TEDC1: variants seen among roughly 807,000 people sequenced by gnomAD.
The protein encoded by TEDC1 is tubulin epsilon and delta complex protein 1.
A neutral mutation model predicts 59.9 loss-of-function variants in TEDC1; 54 were observed. The observed-to-expected ratio is 0.90, with a 90% CI of 0.72 to 1.13. The LOEUF (loss-of-function observed/expected upper bound fraction) is 1.13, where lower values mean the gene tolerates loss of function less well. Among genes scored for constraint, TEDC1 ranks in the 50% most tolerant of loss-of-function variants. The pLI is 0.00. For synonymous variants in TEDC1, 353 were observed against 298.1 expected, an observed-to-expected ratio of 1.18 and a Z score of -1.90; for missense variants, 734 against 683.4, an observed-to-expected ratio of 1.07 and a Z score of -0.83.
At chr14:105,497,297 C>T (rs587621263) in intron 6 of TEDC1, 60 bp from the exon 7 acceptor site, 619 of 1,492,974 alleles carry the variant, frequency 4.1e-4, no homozygotes, top group Middle Eastern at 1.3e-3. Context: ...GCTGTCCATC[C>T]GACTGTCTGT....
At chr14:105,493,992 G>GGC (rs1254364278) in intron 5 of TEDC1, 59 bp downstream of exon 5, 2 of 319,490 alleles carry the variant, frequency 6.3e-6, no homozygotes, top group Non-Finnish European at 1.2e-5. Flanking sequence ...ACAGCAGGGG[G>GGC]ACTGCCCAGG....
intron 4 of TEDC1, 63 bp from the exon 5 acceptor site, chr14:105,493,772 G>T: frequency 1.7e-6 from 2 of 1,200,100 alleles, no homozygotes; most frequent in South Asian, 1.3e-5. Context: ...GACTCATGGA[G>T]ACTCAGCGTT....
chr14:105,492,633 C>A lies in TEDC1; in HGVS notation c.484C>A (p.Pro162Thr), dbSNP rs1366629961. ...PPAPHMEAEG[P>T]VDVRHVQWLM... Reference sequence around the variant, plus strand: ...TGCACCCCACATGGAAGCAGAGGGTCCTGTGGATGTCCGCCATGTGCAGTG... The same window carrying A: ...TGCACCCCACATGGAAGCAGAGGGTACTGTGGATGTCCGCCATGTGCAGTG... The change falls in exon 4 of 9, where the codon CCT becomes ACT. Residue 162 changes from proline (P) to threonine (T), a missense_variant. Physicochemically the swap from Pro to Thr is conservative, Grantham distance 38. Coordinates refer to ENST00000392523, the MANE Select transcript of TEDC1 (RefSeq NM_001367178.1). 6.5e-7 allele frequency: 1 copy of A among 1,543,524 alleles called. No individual in the cohort carries two copies. Among genetic ancestry groups the A allele is most frequent in the Non-Finnish European group, 8.7e-7 (1 of 1,146,910 alleles).
At chr14:105,498,306 G>A (rs2084393403) in intron 8 of TEDC1, among the ~76,000 whole-genome samples, 1 of 152,178 alleles carries the variant, frequency 6.6e-6, no homozygotes, top group Non-Finnish European at 1.5e-5. Flanking sequence ...ACCTGCCTGG[G>A]ACCCGTCTAA....
At chr14:105,496,219 G>C in intron 6 of TEDC1, 133 bp downstream of exon 6, 1 of 862,554 alleles carries the variant, frequency 1.2e-6, no homozygotes, top group Non-Finnish European at 1.7e-6. Flanking sequence ...CTTGGGAACT[G>C]TGGTGATTGC....
intron 5 of TEDC1, 60 bp downstream of exon 5, chr14:105,493,993 A>T: frequency 3.6e-6 from 1 of 275,082 alleles, no homozygotes. Context: ...CAGCAGGGGG[A>T]CTGCCCAGGG....
intron 6 of TEDC1, 122 bp from the exon 7 acceptor site, chr14:105,497,235 G>T (rs1354859318): frequency 1.1e-5 from 11 of 961,270 alleles, no homozygotes; most frequent in African/African-American, 1.6e-5. Context: ...GGGGAGGGCT[G>T]CAGGGGCGGG....
At position 105,492,592 on chromosome 14, in the gene TEDC1, C is replaced by T. The variant is rs782383449; in HGVS notation, c.443C>T (p.Ala148Val). The stretch of plus-strand genomic sequence containing the variant: ...GCCCCTCTCCAGTGTGAGGCCCTGG[C>T]CAGCCCTGGCCCACCTGCACCCCAC... ...EMTVCQCEAL[A>V]SPGPPAPHME... The change falls in exon 4 of 9, where the codon GCC (alanine) becomes GTC (valine). Residue 148 changes from alanine (A) to valine (V), a missense_variant. By Grantham distance (64) the Ala-to-Val change is moderately conservative. Transcript: ENST00000392523. 1.3e-6 allele frequency: 2 copies of T among 1,539,514 alleles called. No homozygotes were observed. Among genetic ancestry groups the T allele is most frequent in the South Asian group, 2.4e-5 (2 of 84,044 alleles).
Position 105,492,243 on chromosome 14 carries a change from A to G in TEDC1, c.363A>G (p.Gly121=). 6.2e-7 allele frequency: 1 copy of G among 1,610,996 alleles called. No individual in the cohort carries two copies. Among genetic ancestry groups the G allele is most frequent in the Non-Finnish European group, 8.5e-7 (1 of 1,179,934 alleles). ...LLALSWLLAR[G]PVPEQMLAQA... is the part of the protein sequence containing the mutation. ...CTCTGTCCTGGCTCTTGGCCCGAGG[A>G]CCTGTGCCCGAGCAGATGCTGGCCC... The change falls in exon 3 of 9, where the codon GGA becomes GGG. Residue 121 remains glycine, a synonymous_variant. Coordinates refer to ENST00000392523, the MANE Select transcript of TEDC1 (RefSeq NM_001367178.1).
Position 105,498,809 on chromosome 14 carries a change from G to T in TEDC1, c.1351G>T (p.Val451Leu). ...AGDRDLRAAV[V>L]IRTLRSQEAC... ...GGACCGGGACCTGCGGGCAGCTGTGGTGATCAGGACGCTGAGGAGCCAGGA... is the reference window on the plus strand; with the variant it reads ...GGACCGGGACCTGCGGGCAGCTGTGTTGATCAGGACGCTGAGGAGCCAGGA... Residue 451 changes from valine (V) to leucine (L), a missense_variant, in exon 9 of 9, where the codon GTG becomes TTG. Coordinates refer to ENST00000392523, the MANE Select transcript of TEDC1 (RefSeq NM_001367178.1). 6.3e-7 allele frequency: 1 copy of T among 1,598,144 alleles called. No individual in the cohort carries two copies. The highest frequency in any genetic ancestry group is 8.5e-7 in the Non-Finnish European group (1 of 1,173,826).
intron 1 of TEDC1, 38 bp downstream of exon 1, chr14:105,491,560 T>C (rs1555439292): frequency 1.3e-6 from 2 of 1,529,962 alleles, no homozygotes; most frequent in East Asian, 2.5e-5. Flanking sequence ...CCGGGTGGGG[T>C]CCCGGGCCCT....
upstream of TEDC1, chr14:105,490,887 C>T (rs1441657864): frequency 1.6e-5 from 14 of 862,768 alleles, no homozygotes; most frequent in Non-Finnish European, 2.6e-5. Context: ...GGGCGTGAGG[C>T]GCTGATGGGT....
At chr14:105,497,576 T>G in intron 7 of TEDC1, 133 bp downstream of exon 7, 1 of 1,186,912 alleles carries the variant, frequency 8.4e-7, no homozygotes, top group East Asian at 2.6e-5. Context: ...TGTAGGCTCT[T>G]TCTAGGACTT....
rs782151431 is a variant in TEDC1 at position 105,492,646 on chromosome 14, G to T, written c.497G>T (p.Arg166Leu). The change falls in exon 4 of 9, where the codon CGC (arginine) becomes CTC (leucine). Residue 166 changes from arginine (R) to leucine (L), a missense_variant. Physicochemically the swap from Arg to Leu is moderately radical, Grantham distance 102. Coordinates refer to ENST00000392523, the MANE Select transcript of TEDC1 (RefSeq NM_001367178.1). Reference protein sequence around the residue: ...HMEAEGPVDVRHVQWLMGKLR... With the variant: ...HMEAEGPVDVLHVQWLMGKLR... ...GAAGCAGAGGGTCCTGTGGATGTCC[G>T]CCATGTGCAGTGGCTGATGGGAAAG... is the stretch of plus-strand genomic sequence containing the variant. 24 of 1,544,400 alleles carry T rather than the reference G, an allele frequency of 1.6e-5. No homozygotes were observed. The highest frequency in any genetic ancestry group is 2.1e-5 in the Non-Finnish European group (24 of 1,146,902).
chr14:105,496,146 G>GGGGGGGGGGGGGGGGGCCCCCCCCCCCCC, intron 6 of TEDC1, 60 bp downstream of exon 6: 1 of 331,608 alleles, frequency 3.0e-6, no homozygotes, highest in Non-Finnish European at 5.9e-6. Context: ...GGGTGGGAGG[G>GGGGGGGGGGGGGGGGGCCCCCCCCCCCCC]GGTGGCGAGG....
intron 2 of TEDC1, 101 bp downstream of exon 2, chr14:105,491,801 C>A: frequency 7.4e-7 from 1 of 1,348,832 alleles, no homozygotes; most frequent in Non-Finnish European, 1.0e-6. Context: ...CAGGCTCTAG[C>A]CCCCACCCAA....
In TEDC1 at chr14:105,491,387, G is replaced by A. The variant is rs2084203005; in HGVS notation, c.12G>A (p.Arg4=). 7.0e-7 allele frequency: 1 copy of A among 1,422,086 alleles called. No individual in the cohort carries two copies. Among genetic ancestry groups the A allele is most frequent in the African/African-American group, 1.5e-5 (1 of 66,734 alleles). The allele number at this position is 1,422,086 out of a possible 1,614,324, so 88.1% of individuals were successfully genotyped here. Residue 4 remains arginine, a synonymous_variant, in exon 1 of 9, where the codon CGG becomes CGA. Transcript: ENST00000392523. MGR[R]RQRVDPAAGA... The stretch of plus-strand genomic sequence containing the variant: ...CTGGTGCTGGCTGCATGGGGAGGCG[G>A]CGGCAGCGGGTGGACCCCGCGGCTG...
upstream of TEDC1, chr14:105,490,632 C>G (rs2084184674): frequency 6.4e-6 from 1 of 155,568 alleles, no homozygotes. Flanking sequence ...CCTGAGGAGG[C>G]TGCCGCGGGC....
chr14:105,494,220 C>A, intron 5 of TEDC1: 1 of 508,676 alleles, frequency 2.0e-6, no homozygotes, highest in East Asian at 3.5e-5. Flanking sequence ...TGGCTAAGGG[C>A]AGGCTGTTGG....
Sources: gnomAD v4.1 joint callset for allele counts (sites outside exome capture counted in the v4.1 genomes callset) on GRCh38, gnomAD v4.1.1 for gene constraint, MANE v1.5 for transcripts, NCBI Gene and HGNC (gene_info 2026-07-23, HGNC 2026-07-21) for gene names.